The following EVI5 variants were observed in gnomAD, a reference collection of about 807,000 sequenced individuals.
The protein encoded by EVI5 is ecotropic viral integration site 5 protein homolog.
EVI5 carries 73 observed loss-of-function variants against 112.0 expected under a neutral mutation model. The observed-to-expected ratio is 0.65, with a 90% CI of 0.54 to 0.79. EVI5 has a LOEUF of 0.79. Ranked by LOEUF, EVI5 falls within the 30% of genes least tolerant of loss-of-function variation. The pLI is 0.00. For synonymous variants in EVI5, 305 were observed against 319.9 expected, an observed-to-expected ratio of 0.95 and a Z score of 0.50; for missense variants, 900 against 968.8, an observed-to-expected ratio of 0.93 and a Z score of 0.94.
intron 19 of EVI5, among the ~76,000 whole-genome samples, chr1:92,556,096 T>C (rs1299251774): frequency 1.3e-5 from 2 of 151,226 alleles, no homozygotes; most frequent in Non-Finnish European, 3.0e-5. Context: ...TGAAGTCTTG[T>C]TCTGTCCCCC....
At chr1:92,539,429 G>A (rs945918762) in intron 19 of EVI5, among the ~76,000 whole-genome samples, 1 of 151,210 alleles carries the variant, frequency 6.6e-6, no homozygotes, top group African/African-American at 2.4e-5. Flanking sequence ...TGTAGTCCCA[G>A]CTACTTGGGA....
intron 16 of EVI5, among the ~76,000 whole-genome samples, chr1:92,614,955 G>T (rs562287620): frequency 6.7e-6 from 1 of 149,432 alleles, no homozygotes; most frequent in Non-Finnish European, 1.5e-5. Flanking sequence ...ATAGATTTTG[G>T]TACCAGGAGT....
chr1:92,641,469 A>T (rs1022417473), intron 13 of EVI5, among the ~76,000 whole-genome samples: 1 of 152,174 alleles, frequency 6.6e-6, no homozygotes, highest in African/African-American at 2.4e-5. Flanking sequence ...AATCTATAAA[A>T]CTGATGGTTA....
At chr1:92,704,925 C>A (rs1490833010) in intron 2 of EVI5, among the ~76,000 whole-genome samples, 181 bp from the exon 3 acceptor site, 1 of 151,510 alleles carries the variant, frequency 6.6e-6, no homozygotes, top group South Asian at 2.1e-4. Context: ...ATTTTTTTCA[C>A]CTATTATAGC....
intron 19 of EVI5, among the ~76,000 whole-genome samples, chr1:92,526,067 GT>G (rs34835481): frequency 0.85 from 129,165 of 151,632 alleles, 55,366 homozygotes; most frequent in East Asian, 0.97. Context: ...TATTGTTTTT[GT>G]TTTTTTTTGA....
At chr1:92,747,617 G>A (rs1436324391) in intron 1 of EVI5, among the ~76,000 whole-genome samples, 1 of 145,974 alleles carries the variant, frequency 6.9e-6, no homozygotes, top group East Asian at 2.1e-4. Context: ...GAGAGGCTGA[G>A]ACAGGAGAAT....
Position 92,574,817 on chromosome 1 carries a change from C to T in EVI5, c.2071-11080G>A, listed in dbSNP as rs529367755. ...AAATCTATACATAATTTATAAGGTC[C>T]TAAAAATGAATTTTTAAAAATCTGT... On this transcript the variant is annotated intron_variant, in intron 18 of 19. Transcript: ENST00000684568. Among the ~76,000 whole-genome samples the T allele has an allele frequency of 7.2e-5, 11 of 152,128 alleles. No homozygotes were observed. The South Asian group carries it at 1.9e-3, about 26-fold the overall frequency.
intron 19 of EVI5, among the ~76,000 whole-genome samples, chr1:92,535,104 TGGAC>T (rs1284373205): frequency 4.0e-5 from 6 of 151,198 alleles, no homozygotes; most frequent in African/African-American, 1.5e-4. Context: ...CATCAAAAAG[TGGAC>T]GAAGGATATG....
intron 19 of EVI5, among the ~76,000 whole-genome samples, chr1:92,525,984 T>C (rs1046408299): frequency 2.0e-5 from 3 of 152,240 alleles, no homozygotes; most frequent in African/African-American, 7.2e-5. Context: ...GAAATATATG[T>C]TTCTTAAGGG....
intron 16 of EVI5, among the ~76,000 whole-genome samples, chr1:92,615,029 G>A (rs1652790848): frequency 6.6e-6 from 1 of 151,730 alleles, no homozygotes; most frequent in Non-Finnish European, 1.5e-5. Context: ...TTCTGGAGTT[G>A]GCTGCTTAAT....
At chr1:92,531,422 C>T (rs964329222) in intron 19 of EVI5, among the ~76,000 whole-genome samples, 2 of 152,080 alleles carry the variant, frequency 1.3e-5, no homozygotes. Context: ...CATTCAAATT[C>T]AGGAAATACA....
chr1:92,693,518 A>C (rs947682103), intron 9 of EVI5, among the ~76,000 whole-genome samples: 1 of 152,192 alleles, frequency 6.6e-6, no homozygotes, highest in Non-Finnish European at 1.5e-5. Flanking sequence ...ATGGGACCAC[A>C]CCAGAAAAGT....
chr1:92,630,178 T>G (rs1463113959), intron 14 of EVI5, among the ~76,000 whole-genome samples: 1 of 152,226 alleles, frequency 6.6e-6, no homozygotes, highest in African/African-American at 2.4e-5. Flanking sequence ...TTTGGGTATA[T>G]ACCCAGTAAT....
At chr1:92,657,091 A>T (rs1663131990) in intron 13 of EVI5, among the ~76,000 whole-genome samples, 1 of 152,148 alleles carries the variant, frequency 6.6e-6, no homozygotes, top group South Asian at 2.1e-4. Flanking sequence ...AAAACTACAG[A>T]CCAATATCTC....
intron 14 of EVI5, among the ~76,000 whole-genome samples, chr1:92,628,004 G>C (rs182621931): frequency 2.6e-5 from 4 of 152,182 alleles, no homozygotes; most frequent in Non-Finnish European, 5.9e-5. Flanking sequence ...TGGCCAGGCT[G>C]CTCTTGAACT....
intron 17 of EVI5, among the ~76,000 whole-genome samples, chr1:92,606,396 TTATC>T (rs1453271212): frequency 1.3e-5 from 2 of 152,236 alleles, no homozygotes; most frequent in Admixed American, 1.3e-4. Context: ...TTAAATTTAG[TTATC>T]TATAAGATGT....
At chr1:92,658,322 TA>T in intron 13 of EVI5, among the ~76,000 whole-genome samples, 1 of 152,314 alleles carries the variant, frequency 6.6e-6, no homozygotes, top group Non-Finnish European at 1.5e-5. Flanking sequence ...GTTATGATCT[TA>T]TACCTAGAAA....
chr1:92,600,851 T>G (rs1035549998), intron 18 of EVI5, among the ~76,000 whole-genome samples: 1 of 152,146 alleles, frequency 6.6e-6, no homozygotes, highest in Admixed American at 6.5e-5. Flanking sequence ...TGGGAAACCC[T>G]GGTAAAGATG....
Position 92,647,067 on chromosome 1 carries a change from C to T in EVI5, c.1393-10731G>A, listed in dbSNP as rs145092780. ...CATCATCACCTTCTTCTTCCTCTTC[C>T]TCCTCCTCCTCCTCTTCCTCACATC... On this transcript the variant is annotated intron_variant, in intron 13 of 19. Coordinates refer to ENST00000684568, the MANE Select transcript of EVI5 (RefSeq NM_001350197.2). The T allele has an allele frequency of 1.9e-3, 364 of 193,872 alleles. 3 individuals are homozygous for T. The highest frequency in any genetic ancestry group is 7.7e-3 in the African/African-American group (333 of 43,028). 12.0% of individuals were successfully genotyped at this position (193,872 alleles called of 1,614,324 possible).
Sources: gnomAD v4.1 joint callset for allele counts (sites outside exome capture counted in the v4.1 genomes callset) on GRCh38, gnomAD v4.1.1 for gene constraint, MANE v1.5 for transcripts, NCBI Gene and HGNC (gene_info 2026-07-23, HGNC 2026-07-21) for gene names.